Variants in METTL4 observed in about 807,000 individuals in gnomAD.
The protein encoded by METTL4 is methyltransferase 4, N6-adenosine.
A neutral mutation model predicts 54.0 loss-of-function variants in METTL4; 40 were observed. The ratio of observed to expected loss-of-function variants is 0.74; its 90% confidence interval spans 0.58 to 0.96. The LOEUF (loss-of-function observed/expected upper bound fraction) is 0.96, where lower values mean the gene tolerates loss of function less well. Ranked by LOEUF, METTL4 falls within the 50% of genes least tolerant of loss-of-function variation. The pLI, the probability that METTL4 is intolerant of heterozygous loss-of-function variation, is 0.00. For synonymous variants in METTL4, 169 were observed against 183.8 expected (o/e 0.92, Z 0.65); for missense variants, 525 against 549.0 (o/e 0.96, Z 0.44).
intron 5 of METTL4, among the ~76,000 whole-genome samples, chr18:2,550,154 A>G (rs1245348516): frequency 6.6e-6 from 1 of 152,172 alleles, no homozygotes; most frequent in Non-Finnish European, 1.5e-5. Context: ...CAGTATGAAG[A>G]ATGTCAGGTC....
chr18:2,564,492 G>A (rs2072373228), intron 2 of METTL4, among the ~76,000 whole-genome samples: 1 of 151,786 alleles, frequency 6.6e-6, no homozygotes, highest in South Asian at 2.1e-4. Flanking sequence ...TCTGAGAAGA[G>A]AAACTAGCCA....
At chr18:2,567,937 G>A (rs749845653) in intron 1 of METTL4, among the ~76,000 whole-genome samples, 2 of 152,168 alleles carry the variant, frequency 1.3e-5, no homozygotes, top group African/African-American at 2.4e-5. Context: ...TAGCAAAACC[G>A]CAAGGTTAAG....
chr18:2,555,110 C>CT, intron 3 of METTL4, 72 bp from the exon 4 acceptor site: 2 of 1,428,172 alleles, frequency 1.4e-6, no homozygotes, highest in Non-Finnish European at 1.9e-6. Flanking sequence ...CTTTGAATAT[C>CT]TGAGTTTATA....
At position 2,563,803 on chromosome 18, in the gene METTL4, A is replaced by G; in HGVS notation, c.453T>C (p.His151=). 1 of 1,605,152 alleles carries G rather than the reference A, an allele frequency of 6.2e-7. No homozygotes were observed. Among genetic ancestry groups the G allele is most frequent in the Non-Finnish European group, 8.5e-7 (1 of 1,174,790 alleles). ...NQGELDAMEY[H]TKIRELILDG... ...ATGAACATTTTACACTTACCTTTGT[A>G]TGGTATTCCATAGCATCCAATTCAC... The change falls in exon 3 of 9, where the codon CAT becomes CAC. Residue 151 remains histidine (H), a synonymous_variant. Coordinates refer to ENST00000574538, the MANE Select transcript of METTL4 (RefSeq NM_022840.5).
At chr18:2,552,414 A>G (rs781566029) in intron 5 of METTL4, among the ~76,000 whole-genome samples, 14 of 152,214 alleles carry the variant, frequency 9.2e-5, no homozygotes, top group Non-Finnish European at 1.9e-4. Context: ...TTAGAATTTG[A>G]TATCAAAGAA....
At position 2,540,302 on chromosome 18, in the gene METTL4, A is replaced by G. The variant is rs530952620; in HGVS notation, c.1274-1157T>C. 6.1e-6 allele frequency: 6 copies of G among 984,570 alleles called. No homozygotes were observed. In the East Asian group the frequency reaches 4.5e-4, roughly 74 times the overall value. 61.0% of individuals were successfully genotyped at this position (984,570 alleles called of 1,614,324 possible). A position where few individuals can be genotyped will look rare whatever the true frequency, so the allele number is the denominator to read the frequency against. ...AATAGGAATTTGGTATAAAATTCAGATAAGAAAAATCACTAGAAAAGGTAA... is the reference window on the plus strand; with the variant it reads ...AATAGGAATTTGGTATAAAATTCAGGTAAGAAAAATCACTAGAAAAGGTAA... On this transcript the variant is annotated intron_variant, in intron 8 of 8. Transcript: ENST00000574538.
chr18:2,537,614 C>G lies in METTL4; in HGVS notation c.*1386G>C, dbSNP rs2071930241. On this transcript the variant is annotated 3_prime_UTR_variant, in exon 9 of 9. Transcript: ENST00000574538. ...GCTCCATAAATACAAAATTAAGCCT[C>G]TGATACTATACTCACACACTCAAAG... 2 of 339,806 alleles carry G rather than the reference C, an allele frequency of 5.9e-6. No homozygotes were observed. Among genetic ancestry groups the G allele is most frequent in the Non-Finnish European group, 1.1e-5 (2 of 190,314 alleles). 21.0% of individuals were successfully genotyped at this position (339,806 alleles called of 1,614,324 possible). A position where few individuals can be genotyped will look rare whatever the true frequency, so the allele number is the denominator to read the frequency against.
chr18:2,563,925 A>C, intron 2 of METTL4, 66 bp from the exon 3 acceptor site: 1 of 1,025,634 alleles, frequency 9.8e-7, no homozygotes, highest in Non-Finnish European at 1.5e-6. Context: ...TTTCATTATA[A>C]CATTATTTAT....
chr18:2,549,723 T>C (rs1269266480), intron 5 of METTL4, among the ~76,000 whole-genome samples: 2 of 150,792 alleles, frequency 1.3e-5, no homozygotes, highest in Admixed American at 6.6e-5. Context: ...GGCTTATGTC[T>C]GTAATCCCAA....
At chr18:2,545,809 C>A (rs1311964307) in intron 6 of METTL4, among the ~76,000 whole-genome samples, 1 of 151,996 alleles carries the variant, frequency 6.6e-6, no homozygotes, top group Non-Finnish European at 1.5e-5. Context: ...ATGCACATTA[C>A]CCCTCCTATC....
intron 3 of METTL4, chr18:2,561,384 A>G (rs1380516577): frequency 6.6e-6 from 1 of 152,236 alleles, no homozygotes; most frequent in East Asian, 1.9e-4. Flanking sequence ...AGGCCTTTAT[A>G]AAGAAAATTT....
At position 2,555,511 on chromosome 18, in the gene METTL4, C is replaced by A. The variant is rs536577740; in HGVS notation, c.460-473G>T. ...TATATAAGAAAAAAATCATCATCAT[C>A]TTCTATAGGGAGAATTAAGTTTAAA... On this transcript the variant is annotated intron_variant, in intron 3 of 8. Coordinates refer to ENST00000574538, the MANE Select transcript of METTL4 (RefSeq NM_022840.5). The A allele has an allele frequency of 6.5e-5, 10 of 154,696 alleles. No homozygotes were observed. In the South Asian group the frequency reaches 2.0e-3, roughly 31 times the overall value. The allele number at this position is 154,696 out of a possible 1,614,324, so 9.6% of individuals were successfully genotyped here.
intron 8 of METTL4, chr18:2,540,113 T>C: frequency 1.0e-6 from 1 of 982,360 alleles, no homozygotes; most frequent in Non-Finnish European, 1.2e-6. Flanking sequence ...CTGAACATTG[T>C]ATTTTGTTGG....
chr18:2,561,173 A>C (rs188936792), intron 3 of METTL4: 1 of 152,364 alleles, frequency 6.6e-6, no homozygotes, highest in African/African-American at 2.4e-5. Context: ...ATGCTCACAT[A>C]TATTACTTAT....
chr18:2,560,073 T>C (rs2072293463), intron 3 of METTL4, among the ~76,000 whole-genome samples: 1 of 152,110 alleles, frequency 6.6e-6, no homozygotes, highest in Non-Finnish European at 1.5e-5. Flanking sequence ...ATAAAACTTG[T>C]GAAAACTGAC....
At chr18:2,550,938 G>A (rs1399801851) in intron 5 of METTL4, among the ~76,000 whole-genome samples, 2 of 151,868 alleles carry the variant, frequency 1.3e-5, no homozygotes, top group Non-Finnish European at 2.9e-5. Flanking sequence ...GCCGAGGCGG[G>A]CGGATCACGA....
chr18:2,552,389 A>C (rs944916601), intron 5 of METTL4, among the ~76,000 whole-genome samples: 10 of 152,308 alleles, frequency 6.6e-5, no homozygotes, highest in African/African-American at 2.4e-4. Context: ...ATATCTTGGC[A>C]CATATTTCTA....
intron 6 of METTL4, among the ~76,000 whole-genome samples, chr18:2,546,909 C>A (rs918213584): frequency 6.6e-6 from 1 of 152,140 alleles, no homozygotes; most frequent in African/African-American, 2.4e-5. Context: ...ATCCCCTCTA[C>A]AATGGGTTAC....
In METTL4 at chr18:2,567,114, G is replaced by A. The variant is rs199824971; in HGVS notation, c.103C>T (p.Arg35Cys). ...QLHQHHEPCC[R>C]KKEFTTSVHF... is the part of the protein sequence containing the mutation. ...ACAGAAGTAGTGAACTCCTTTTTACGGCAACAAGGTTCATGATGCTGGTGA... is the reference window on the plus strand; with the variant it reads ...ACAGAAGTAGTGAACTCCTTTTTACAGCAACAAGGTTCATGATGCTGGTGA... Residue 35 changes from arginine (R) to cysteine (C), a missense_variant, in exon 2 of 9, where the codon CGT (arginine) becomes TGT (cysteine). Transcript: ENST00000574538. 1.3e-4 allele frequency: 208 copies of A among 1,613,928 alleles called. No individual in the cohort carries two copies. The highest frequency in any genetic ancestry group is 1.6e-4 in the Non-Finnish European group (191 of 1,179,974).
Sources: allele counts gnomAD v4.1 joint callset (sites outside exome capture counted in the v4.1 genomes callset), GRCh38; gene constraint gnomAD v4.1.1; transcripts MANE v1.5; gene names NCBI Gene and HGNC (gene_info 2026-07-23, HGNC 2026-07-21).